KCNQ2: variants seen among roughly 807,000 people sequenced by gnomAD.
The protein encoded by KCNQ2 is potassium voltage-gated channel subfamily Q member 2.
A neutral mutation model predicts 84.8 loss-of-function variants in KCNQ2; 14 were observed. The ratio of observed to expected loss-of-function variants is 0.17; its 90% confidence interval spans 0.11 to 0.26. The LOEUF (loss-of-function observed/expected upper bound fraction) is 0.26, where lower values mean the gene tolerates loss of function less well. Ranked by LOEUF, KCNQ2 falls within the 10% of genes least tolerant of loss-of-function variation. The pLI, the probability that KCNQ2 is intolerant of heterozygous loss-of-function variation, is 1.00. For missense variants in KCNQ2, 788 were observed against 1,254.0 expected (o/e 0.63, Z 5.61); for synonymous variants, 599 against 554.1 (o/e 1.08, Z -1.14).
At chr20:63,431,468 G>A (rs1326014284) in intron 8 of KCNQ2, 99 bp from the exon 9 acceptor site, 6 of 1,351,076 alleles carry the variant, frequency 4.4e-6, no homozygotes, top group East Asian at 2.3e-5. Flanking sequence ...GAGGAAAGTA[G>A]GGGAAACAAC....
At position 63,406,505 on chromosome 20, in the gene KCNQ2, A is replaced by C. The variant is rs2079937150; in HGVS notation, c.*139T>G. 5.8e-6 allele frequency: 6 copies of C among 1,041,450 alleles called. No individual in the cohort carries two copies. The highest frequency in any genetic ancestry group is 1.6e-5 in the African/African-American group (1 of 61,938). 64.5% of individuals were successfully genotyped at this position (1,041,450 alleles called of 1,614,324 possible). On this transcript the variant is annotated 3_prime_UTR_variant, in exon 17 of 17. Coordinates refer to ENST00000359125, the MANE Select transcript of KCNQ2 (RefSeq NM_172107.4). ...GCCAGGAGCCCCCATCCTTCAGCCCACATGGGCCCCTCCAGGGCCCACCCT... is the reference window on the plus strand; with the variant it reads ...GCCAGGAGCCCCCATCCTTCAGCCCCCATGGGCCCCTCCAGGGCCCACCCT...
In KCNQ2 at chr20:63,446,580, G is replaced by A. The variant is rs1157281611; in HGVS notation, c.387+167C>T. ...CAGGGTGGGGCTGGGGCATAGCCCG[G>A]GCTGTGGGGCTGGGGGCAGATGGGA... On this transcript the variant is annotated intron_variant, in intron 2 of 16. Transcript: ENST00000359125. The surrounding 1 kb of genome is among the most constrained non-coding windows in gnomAD (Gnocchi z 5.5). 6.6e-6 allele frequency among the ~76,000 whole-genome samples: 1 copy of A among 152,122 alleles called. No homozygotes were observed. Among genetic ancestry groups the A allele is most frequent in the Non-Finnish European group, 1.5e-5 (1 of 68,012 alleles).
chr20:63,458,118 G>A (rs1029807101), intron 1 of KCNQ2, among the ~76,000 whole-genome samples: 1 of 150,960 alleles, frequency 6.6e-6, no homozygotes, highest in African/African-American at 2.4e-5. Context: ...CCCTGGGCTC[G>A]CAGCCCCTGG....
intron 11 of KCNQ2, among the ~76,000 whole-genome samples, chr20:63,421,364 G>A (rs1186219349): frequency 6.6e-6 from 1 of 152,234 alleles, no homozygotes; most frequent in Non-Finnish European, 1.5e-5. Flanking sequence ...CTCCTGTATG[G>A]GGCAACGTGG....
chr20:63,449,233 T>G (rs999633256), intron 1 of KCNQ2: 1 of 152,280 alleles, frequency 6.6e-6, no homozygotes, highest in African/African-American at 2.4e-5. Flanking sequence ...CCCCTTGGAC[T>G]TCCAGGTTAT....
chr20:63,454,707 G>A (rs2081724417), intron 1 of KCNQ2, among the ~76,000 whole-genome samples: 1 of 152,220 alleles, frequency 6.6e-6, no homozygotes, highest in Non-Finnish European at 1.5e-5. Context: ...GGCAGGTGAG[G>A]GCCTCTGCCT....
chr20:63,410,044 G>C (rs1405350903), intron 15 of KCNQ2: 1 of 274,946 alleles, frequency 3.6e-6, no homozygotes, highest in Non-Finnish European at 7.1e-6. Flanking sequence ...TCAGGCTCGC[G>C]TCGGCCACAG....
At chr20:63,423,065 G>A (rs1384366006) in intron 11 of KCNQ2, among the ~76,000 whole-genome samples, 2 of 152,194 alleles carry the variant, frequency 1.3e-5, no homozygotes, top group East Asian at 3.9e-4. Flanking sequence ...ACCAGCAGAG[G>A]CTACGCTGCC....
intron 1 of KCNQ2, among the ~76,000 whole-genome samples, chr20:63,465,463 C>T (rs138501812): frequency 2.8e-3 from 421 of 152,326 alleles, no homozygotes; most frequent in African/African-American, 9.8e-3. Context: ...CTCCATCACC[C>T]GCTGCTGAGG....
In KCNQ2 at chr20:63,425,966, C is replaced by G. The variant is rs2145624482; in HGVS notation, c.1218-1760G>C. Among the ~76,000 whole-genome samples the G allele has an allele frequency of 6.6e-6, 1 of 152,320 alleles. No individual in the cohort carries two copies. The highest frequency in any genetic ancestry group is 2.4e-5 in the African/African-American group (1 of 41,572). ...GGCCGCCGGCCACCACGTTTCCAAT[C>G]CGGCGGGGCAAACTCCACGTGGCAC... On this transcript the variant is annotated intron_variant, in intron 10 of 16. Coordinates refer to ENST00000359125, the MANE Select transcript of KCNQ2 (RefSeq NM_172107.4). This position sits in a 1 kb window ranked among gnomAD's most constrained non-coding sequence, Gnocchi z 5.5.
Position 63,436,316 on chromosome 20 carries a change from A to G in KCNQ2, c.1023+2309T>C, listed in dbSNP as rs187548753. Reference sequence around the variant, plus strand: ...GGAGGCCAAGGCGGGAGGATCACGAAGTCAGGAGATCGAGACCATCCTGGC... The same window carrying G: ...GGAGGCCAAGGCGGGAGGATCACGAGGTCAGGAGATCGAGACCATCCTGGC... On this transcript the variant is annotated intron_variant, in intron 7 of 16. Coordinates refer to ENST00000359125, the MANE Select transcript of KCNQ2 (RefSeq NM_172107.4). Among the ~76,000 whole-genome samples the G allele has an allele frequency of 1.2e-3, 177 of 152,218 alleles. 1 individual carries two copies. The East Asian group carries it at 0.02, about 18-fold the overall frequency.
chr20:63,469,700 T>TC (rs2082163182), intron 1 of KCNQ2, among the ~76,000 whole-genome samples: 1 of 152,140 alleles, frequency 6.6e-6, no homozygotes, highest in South Asian at 2.1e-4. Flanking sequence ...GCCCTGGCCT[T>TC]CCCCCCACTC....
chr20:63,403,853 C>G lies in KCNQ2; in HGVS notation c.*2791G>C, dbSNP rs1036545965. 2 of 152,254 alleles carry G rather than the reference C, an allele frequency of 1.3e-5. No individual in the cohort carries two copies. The highest frequency in any genetic ancestry group is 4.8e-5 in the African/African-American group (2 of 41,448). The allele number at this position is 152,254 out of a possible 1,614,324, so 9.4% of individuals were successfully genotyped here. A position where few individuals can be genotyped will look rare whatever the true frequency, so the allele number is the denominator to read the frequency against. ...ATGAGGTGGCACTGGTCCTTGGCCACGCTCATTCACGCAGACACCCGAGGC... is the reference window on the plus strand; with the variant it reads ...ATGAGGTGGCACTGGTCCTTGGCCAGGCTCATTCACGCAGACACCCGAGGC... On this transcript the variant is annotated 3_prime_UTR_variant, in exon 17 of 17. Transcript: ENST00000359125.
intron 3 of KCNQ2, 72 bp downstream of exon 3, chr20:63,445,166 T>A: frequency 6.2e-7 from 1 of 1,603,540 alleles, no homozygotes; most frequent in Non-Finnish European, 8.5e-7. Flanking sequence ...ACGCCCCAGC[T>A]CCCCCCAGGG....
Position 63,406,526 on chromosome 20 carries a change from A to T in KCNQ2, c.*118T>A. 7.8e-7 allele frequency: 1 copy of T among 1,276,056 alleles called. No homozygotes were observed. Among genetic ancestry groups the T allele is most frequent in the South Asian group, 1.6e-5 (1 of 64,092 alleles). The allele number at this position is 1,276,056 out of a possible 1,614,324, so 79.0% of individuals were successfully genotyped here. A position where few individuals can be genotyped will look rare whatever the true frequency, so the allele number is the denominator to read the frequency against. On this transcript the variant is annotated 3_prime_UTR_variant, in exon 17 of 17. Transcript: ENST00000359125. ...GCCCACATGGGCCCCTCCAGGGCCCACCCTTCCCGCCACACTCAGTTACTG... is the reference window on the plus strand; with the variant it reads ...GCCCACATGGGCCCCTCCAGGGCCCTCCCTTCCCGCCACACTCAGTTACTG...
chr20:63,465,586 G>A (rs1364154319), intron 1 of KCNQ2, among the ~76,000 whole-genome samples: 1 of 152,190 alleles, frequency 6.6e-6, no homozygotes, highest in African/African-American at 2.4e-5. Flanking sequence ...CGTAGGGGTC[G>A]CACGCAGGGG....
At chr20:63,435,129 C>T (rs2080955382) in intron 7 of KCNQ2, among the ~76,000 whole-genome samples, 1 of 152,212 alleles carries the variant, frequency 6.6e-6, no homozygotes, top group Non-Finnish European at 1.5e-5. Context: ...TGGCCTGGCG[C>T]AGAGGCTCAC....
chr20:63,472,539 G>C lies in KCNQ2; in HGVS notation c.-76C>G. ...AGCGCGGGGGGCGGCGCGGGCCCCA[G>C]CCCAGGCCCCCCGGCCGGGAGCCGC... On this transcript the variant is annotated 5_prime_UTR_variant, in exon 1 of 17. Transcript: ENST00000359125. 1 of 1,212,734 alleles carries C rather than the reference G, an allele frequency of 8.2e-7. No homozygotes were observed. The highest frequency in any genetic ancestry group is 4.4e-5 in the Admixed American group (1 of 22,912). 75.1% of individuals were successfully genotyped at this position (1,212,734 alleles called of 1,614,324 possible). A position where few individuals can be genotyped will look rare whatever the true frequency, so the allele number is the denominator to read the frequency against.
intron 10 of KCNQ2, among the ~76,000 whole-genome samples, chr20:63,424,925 G>A (rs1409499549): frequency 6.6e-6 from 1 of 152,214 alleles, no homozygotes; most frequent in East Asian, 1.9e-4. Flanking sequence ...TTACAAGCAG[G>A]CTCTTTGGTG....
Sources: allele counts gnomAD v4.1 joint callset (sites outside exome capture counted in the v4.1 genomes callset), GRCh38; gene constraint gnomAD v4.1.1; non-coding constraint Gnocchi (gnomAD v3.1); transcripts MANE v1.5; gene names NCBI Gene and HGNC (gene_info 2026-07-23, HGNC 2026-07-21).